RAD1: variants seen among roughly 807,000 people sequenced by gnomAD.
RAD1 encodes cell cycle checkpoint protein RAD1.
In RAD1, 21 loss-of-function variants were observed where a neutral mutation model predicts 30.0. The observed-to-expected ratio is 0.70, with a 90% CI of 0.50 to 1.01. The LOEUF is 1.01. Ranked by LOEUF, RAD1 falls within the 50% of genes least tolerant of loss-of-function variation. The probability of loss-of-function intolerance (pLI) is 0.00; values close to 1 mark genes in which losing one functional copy is unlikely to be tolerated. For missense variants in RAD1, 329 were observed against 329.0 expected, an observed-to-expected ratio of 1.00 and a Z score of 0.00; for synonymous variants, 109 against 113.6, an observed-to-expected ratio of 0.96 and a Z score of 0.26.
chr5:34,911,870 C>G, intron 3 of RAD1, 58 bp from the exon 4 acceptor site: 2 of 1,553,250 alleles, frequency 1.3e-6, no homozygotes, highest in Non-Finnish European at 1.7e-6. Flanking sequence ...TTCAGCTTCT[C>G]CTCGAAATGA....
intron 3 of RAD1, among the ~76,000 whole-genome samples, chr5:34,912,112 T>C (rs139263438): frequency 1.3e-5 from 2 of 152,286 alleles, no homozygotes; most frequent in East Asian, 3.9e-4. Flanking sequence ...AATTTCAGGG[T>C]AGAGAATCTA....
rs778408828 is a variant in RAD1, at chr5:34,913,533, A to G, written c.244T>C (p.Phe82Leu). The G allele has an allele frequency of 1.9e-6, 3 of 1,605,410 alleles. No homozygotes were observed. The highest frequency in any genetic ancestry group is 4.5e-5 in the East Asian group (2 of 44,750). ...AAAAGGACAGTTAAATTAATTCGAA[A>G]AGTAACAGACTCTTCCTGAACTTTA... ...EFKVQEESVT[F>L]RINLTVLLDC... The change falls in exon 3 of 6, where the codon TTT (phenylalanine) becomes CTT (leucine). Residue 82 changes from phenylalanine to leucine, a missense_variant. By Grantham distance (22) the Phe-to-Leu change is conservative (BLOSUM62 0). Transcript: ENST00000382038.
intron 2 of RAD1, chr5:34,914,459 C>A: frequency 1.9e-6 from 1 of 534,492 alleles, no homozygotes; most frequent in Admixed American, 3.3e-5. Flanking sequence ...CATTACTAAC[C>A]ATTATCTCTG....
rs1763727673 is a variant in RAD1 at position 34,908,661 on chromosome 5, C to A, written c.*104G>T. ...TGCTCCTATCTTCCCCATTGTGCTT[C>A]TTCTCTATAGAAAATCCAATATGAA... On this transcript the variant is annotated 3_prime_UTR_variant, in exon 6 of 6. Transcript: ENST00000382038. 2.8e-6 allele frequency: 3 copies of A among 1,086,476 alleles called. No individual in the cohort carries two copies. Among genetic ancestry groups the A allele is most frequent in the Non-Finnish European group, 4.0e-6 (3 of 757,672 alleles). The allele number at this position is 1,086,476 out of a possible 1,614,324, so 67.3% of individuals were successfully genotyped here. A position where few individuals can be genotyped will look rare whatever the true frequency, so the allele number is the denominator to read the frequency against.
At position 34,915,503 on chromosome 5, in the gene RAD1, G is replaced by A. The variant is rs569135185; in HGVS notation, c.-157C>T. The A allele has an allele frequency of 2.6e-4, 120 of 460,146 alleles. 2 individuals are homozygous for A. The South Asian group carries it at 4.2e-3, about 16-fold the overall frequency. The allele number at this position is 460,146 out of a possible 1,614,324, so 28.5% of individuals were successfully genotyped here. On this transcript the variant is annotated 5_prime_UTR_variant, in exon 1 of 6. Coordinates refer to ENST00000382038, the MANE Select transcript of RAD1 (RefSeq NM_002853.4). ...GCGGCTCCGAGGAACCGCGGAGGAAGTGAAGCCAGTCCCGCCACTCTTCAG... is the reference window on the plus strand; with the variant it reads ...GCGGCTCCGAGGAACCGCGGAGGAAATGAAGCCAGTCCCGCCACTCTTCAG...
Position 34,908,700 on chromosome 5 carries a change from CT to C in RAD1, c.*64del. 7.2e-7 allele frequency: 1 copy of C among 1,379,996 alleles called. No individual in the cohort carries two copies. Among genetic ancestry groups the C allele is most frequent in the Non-Finnish European group, 9.9e-7 (1 of 1,008,034 alleles). The allele number at this position is 1,379,996 out of a possible 1,614,324, so 85.5% of individuals were successfully genotyped here. ...ATCCAATATGAAATGACAAAGAGTACTGTACTCAGAATAAGAACTTCATCTA... is the reference window on the plus strand; with the variant it reads ...ATCCAATATGAAATGACAAAGAGTACGTACTCAGAATAAGAACTTCATCTA... On this transcript the variant is annotated 3_prime_UTR_variant, in exon 6 of 6. Transcript: ENST00000382038.
chr5:34,909,307 C>A lies in RAD1; in HGVS notation c.616G>T (p.Asp206Tyr), dbSNP rs1304106307. Reference sequence around the variant, plus strand: ...TGAAATGCTTCCATCAAATCAGAATCTTTGGGATAGTCAAGGTGGGAACTT... The same window carrying A: ...TGAAATGCTTCCATCAAATCAGAATATTTGGGATAGTCAAGGTGGGAACTT... ...AGSSHLDYPKDSDLMEAFHCN... is the reference protein window; with the variant it reads ...AGSSHLDYPKYSDLMEAFHCN... The change falls in exon 5 of 6, where the codon GAT (aspartate) becomes TAT (tyrosine). Residue 206 changes from aspartate to tyrosine, a missense_variant. Asp to Tyr is a radical substitution (Grantham distance 160). Coordinates refer to ENST00000382038, the MANE Select transcript of RAD1 (RefSeq NM_002853.4). 6.2e-7 allele frequency: 1 copy of A among 1,611,420 alleles called. No homozygotes were observed. The highest frequency in any genetic ancestry group is 1.3e-5 in the African/African-American group (1 of 74,862).
chr5:34,915,255 G>C (rs1244447583), intron 1 of RAD1, 161 bp downstream of exon 1: 1 of 300,252 alleles, frequency 3.3e-6, no homozygotes, highest in Non-Finnish European at 6.3e-6. Context: ...GTTTTGTGCA[G>C]CCCGCGCCAC....
In RAD1 at chr5:34,908,824, T is replaced by A; in HGVS notation, c.790A>T (p.Ile264Leu). ...QYMIRNEDGQ[I>L]CFVEYYCCPD... is the part of the protein sequence containing the mutation. ...CAGCAGTAATATTCCACAAAACATATTTGTCCATCTTCATTTCTAATCATA... is the reference window on the plus strand; with the variant it reads ...CAGCAGTAATATTCCACAAAACATAATTGTCCATCTTCATTTCTAATCATA... The change falls in exon 6 of 6, where the codon ATA (isoleucine) becomes TTA (leucine). Residue 264 changes from isoleucine (I) to leucine (L), a missense_variant. By Grantham distance (5) the Ile-to-Leu change is conservative. Transcript: ENST00000382038. The A allele has an allele frequency of 6.2e-7, 1 of 1,612,910 alleles. No homozygotes were observed. Among genetic ancestry groups the A allele is most frequent in the Non-Finnish European group, 8.5e-7 (1 of 1,179,660 alleles).
rs1763620077 is a variant in RAD1 at position 34,905,520 on chromosome 5, T to C, written c.*3245A>G. The C allele has an allele frequency of 6.6e-6, 1 of 152,108 alleles. No individual in the cohort carries two copies. The highest frequency in any genetic ancestry group is 2.1e-4 in the South Asian group (1 of 4,830). 9.4% of individuals were successfully genotyped at this position (152,108 alleles called of 1,614,324 possible). A position where few individuals can be genotyped will look rare whatever the true frequency, so the allele number is the denominator to read the frequency against. On this transcript the variant is annotated 3_prime_UTR_variant, in exon 6 of 6. Transcript: ENST00000382038. ...AAGTGGAATTTAACAAATACTTTTA[T>C]TATTTTGAAGCATTTCATCAATTCT...
chr5:34,913,184 A>G (rs1401302155), intron 3 of RAD1, among the ~76,000 whole-genome samples: 1 of 152,236 alleles, frequency 6.6e-6, no homozygotes, highest in East Asian at 1.9e-4. Context: ...TCACAATGCT[A>G]AAAATATTTA....
chr5:34,911,673 G>A lies in RAD1; in HGVS notation c.447C>T (p.Ser149=), dbSNP rs1312348426. 1 of 1,614,104 alleles carries A rather than the reference G, an allele frequency of 6.2e-7. No individual in the cohort carries two copies. Among genetic ancestry groups the A allele is most frequent in the Non-Finnish European group, 8.5e-7 (1 of 1,180,022 alleles). ...GAATAATTTTATTAATAACATTGGT[G>A]CTGCAGAAATCAAAGTCCAGGGTCT... The part of the protein sequence containing the change: ...PEETLDFDFC[S]TNVINKIILQ... Residue 149 remains serine (S), a synonymous_variant, in exon 4 of 6, where the codon AGC becomes AGT. Coordinates refer to ENST00000382038, the MANE Select transcript of RAD1 (RefSeq NM_002853.4).
Position 34,908,852 on chromosome 5 carries a change from C to T in RAD1, c.762G>A (p.Gln254=). Reference sequence around the variant, plus strand: ...GTCCATCTTCATTTCTAATCATATACTGTAATGAAAGGAAGCCTCTGTTAT... The same window carrying T: ...GTCCATCTTCATTTCTAATCATATATTGTAATGAAAGGAAGCCTCTGTTAT... ...RTDNRGFLSL[Q]YMIRNEDGQI... The change falls in exon 6 of 6, where the codon CAG becomes CAA. Residue 254 remains glutamine, a synonymous_variant. Coordinates refer to ENST00000382038, the MANE Select transcript of RAD1 (RefSeq NM_002853.4). 6.2e-7 allele frequency: 1 copy of T among 1,612,110 alleles called. No individual in the cohort carries two copies. The highest frequency in any genetic ancestry group is 8.5e-7 in the Non-Finnish European group (1 of 1,178,386).
intron 4 of RAD1, 142 bp downstream of exon 4, chr5:34,911,412 T>G: frequency 1.0e-6 from 1 of 1,002,754 alleles, no homozygotes; most frequent in South Asian, 1.7e-5. Flanking sequence ...ATCCATAAAA[T>G]TATGAGGTAA....
Position 34,907,588 on chromosome 5 carries a change from A to G in RAD1, c.*1177T>C, listed in dbSNP as rs1447599805. 6.6e-6 allele frequency: 1 copy of G among 152,246 alleles called. No individual in the cohort carries two copies. Among genetic ancestry groups the G allele is most frequent in the Admixed American group, 6.5e-5 (1 of 15,282 alleles). 9.4% of individuals were successfully genotyped at this position (152,246 alleles called of 1,614,324 possible). ...GTGACAACTACCAGGAAAGTACAAA[A>G]TCACTTAATAACTGGTTTTCTACAC... On this transcript the variant is annotated 3_prime_UTR_variant, in exon 6 of 6. Transcript: ENST00000382038.
rs1763652591 is a variant in RAD1 at position 34,906,311 on chromosome 5, A to G, written c.*2454T>C. On this transcript the variant is annotated 3_prime_UTR_variant, in exon 6 of 6. Transcript: ENST00000382038. ...ATCCATCCTTACTGAGCTGATTTAT[A>G]TTTGTTTTAAATTCTTTTTAGATTC... 1 of 152,076 alleles carries G rather than the reference A, an allele frequency of 6.6e-6. No homozygotes were observed. The highest frequency in any genetic ancestry group is 2.4e-5 in the African/African-American group (1 of 41,390). 9.4% of individuals were successfully genotyped at this position (152,076 alleles called of 1,614,324 possible).
At position 34,915,494 on chromosome 5, in the gene RAD1, G is replaced by A. The variant is rs2308952; in HGVS notation, c.-148C>T. The A allele has an allele frequency of 2.3e-6, 1 of 430,998 alleles. No homozygotes were observed. The highest frequency in any genetic ancestry group is 4.1e-6 in the Non-Finnish European group (1 of 244,154). 26.7% of individuals were successfully genotyped at this position (430,998 alleles called of 1,614,324 possible). A position where few individuals can be genotyped will look rare whatever the true frequency, so the allele number is the denominator to read the frequency against. On this transcript the variant is annotated 5_prime_UTR_variant, in exon 1 of 6. Transcript: ENST00000382038. The stretch of plus-strand genomic sequence containing the variant: ...AGGAGCGAGGCGGCTCCGAGGAACC[G>A]CGGAGGAAGTGAAGCCAGTCCCGCC...
rs1219186093 is a variant in RAD1, at chr5:34,915,499, G to A, written c.-153C>T. 2 of 447,986 alleles carry A rather than the reference G, an allele frequency of 4.5e-6. No homozygotes were observed. Among genetic ancestry groups the A allele is most frequent in the Non-Finnish European group, 7.8e-6 (2 of 255,062 alleles). The allele number at this position is 447,986 out of a possible 1,614,324, so 27.8% of individuals were successfully genotyped here. A position where few individuals can be genotyped will look rare whatever the true frequency, so the allele number is the denominator to read the frequency against. On this transcript the variant is annotated 5_prime_UTR_variant, in exon 1 of 6. Coordinates refer to ENST00000382038, the MANE Select transcript of RAD1 (RefSeq NM_002853.4). ...CGAGGCGGCTCCGAGGAACCGCGGAGGAAGTGAAGCCAGTCCCGCCACTCT... is the reference window on the plus strand; with the variant it reads ...CGAGGCGGCTCCGAGGAACCGCGGAAGAAGTGAAGCCAGTCCCGCCACTCT...
rs937923916 is a variant in RAD1 at position 34,906,225 on chromosome 5, G to A, written c.*2540C>T. ...CCCTGCCTCGGCTTCCCAAAATGCT[G>A]GGATTACAGGTGTGAGCCACCACTC... On this transcript the variant is annotated 3_prime_UTR_variant, in exon 6 of 6. Coordinates refer to ENST00000382038, the MANE Select transcript of RAD1 (RefSeq NM_002853.4). 6.6e-6 allele frequency: 1 copy of A among 152,044 alleles called. No homozygotes were observed. The highest frequency in any genetic ancestry group is 1.5e-5 in the Non-Finnish European group (1 of 68,030). 9.4% of individuals were successfully genotyped at this position (152,044 alleles called of 1,614,324 possible).
Sources: allele counts gnomAD v4.1 joint callset (sites outside exome capture counted in the v4.1 genomes callset), GRCh38; gene constraint gnomAD v4.1.1; transcripts MANE v1.5; gene names NCBI Gene and HGNC (gene_info 2026-07-23, HGNC 2026-07-21).